Variants in PCDHGB1 observed in about 807,000 individuals in gnomAD.
The protein encoded by PCDHGB1 is protocadherin gamma-B1.
In PCDHGB1, 34 loss-of-function variants were observed where a neutral mutation model predicts 56.6. That is an observed-to-expected ratio of 0.60 (90% confidence interval 0.46 to 0.80). The LOEUF (loss-of-function observed/expected upper bound fraction) is 0.80. Ranked by LOEUF, PCDHGB1 falls within the 30% of genes least tolerant of loss-of-function variation. The probability of loss-of-function intolerance (pLI) is 0.00; values close to 1 mark genes in which losing one functional copy is unlikely to be tolerated. For synonymous variants in PCDHGB1, 561 were observed against 505.9 expected (o/e 1.11, Z -1.46); for missense variants, 1,278 against 1,204.6 (o/e 1.06, Z -0.90).
At position 141,384,883 on chromosome 5, in the gene PCDHGB1, G is replaced by A. The variant is rs774353364; in HGVS notation, c.2409+32214G>A. ...TCTGTCAGCCACCGTCACACTCACCGTGGCTGTGGCTGACAGCATCCCCGA... is the reference window on the plus strand; with the variant it reads ...TCTGTCAGCCACCGTCACACTCACCATGGCTGTGGCTGACAGCATCCCCGA... On this transcript the variant is annotated intron_variant, in intron 1 of 3. Coordinates refer to ENST00000523390, the MANE Select transcript of PCDHGB1 (RefSeq NM_018922.3). 62 of 1,613,804 alleles carry A rather than the reference G, an allele frequency of 3.8e-5. 1 individual carries two copies. In the East Asian group the frequency reaches 1.3e-3, roughly 35 times the overall value.
chr5:141,389,478 G>C (rs764977787), intron 1 of PCDHGB1: 1 of 1,613,150 alleles, frequency 6.2e-7, no homozygotes, highest in Non-Finnish European at 8.5e-7. Context: ...CACACTGCAG[G>C]CCCGCGACCA....
chr5:141,374,674 G>A, intron 1 of PCDHGB1: 1 of 1,610,698 alleles, frequency 6.2e-7, no homozygotes, highest in Non-Finnish European at 8.5e-7. Flanking sequence ...TGGTGCTGGA[G>A]GGCACACTGG....
chr5:141,370,908 C>T (rs372602970), intron 1 of PCDHGB1: 1 of 1,614,028 alleles, frequency 6.2e-7, no homozygotes, highest in East Asian at 2.2e-5. Flanking sequence ...GCAGTACTAC[C>T]TCAGCCCTGA....
At chr5:141,413,148 C>G (rs370253778) in intron 1 of PCDHGB1, 10 of 1,570,530 alleles carry the variant, frequency 6.4e-6, no homozygotes, top group Middle Eastern at 1.7e-4. Flanking sequence ...CCAGTGAGGA[C>G]TTTGCAGAAT....
At position 141,491,969 on chromosome 5, in the gene PCDHGB1, C is replaced by A; in HGVS notation, c.2410-2838C>A. ...CCCCTACACTCAAAAAAGGCCGGGGCCTCCTTCGAGCTTCCGGTGAATTTC... is the reference window on the plus strand; with the variant it reads ...CCCCTACACTCAAAAAAGGCCGGGGACTCCTTCGAGCTTCCGGTGAATTTC... On this transcript the variant is annotated intron_variant, in intron 1 of 3. Coordinates refer to ENST00000523390, the MANE Select transcript of PCDHGB1 (RefSeq NM_018922.3). The surrounding 1 kb of genome is among the most constrained non-coding windows in gnomAD (Gnocchi z 6.9). 1 of 898,714 alleles carries A rather than the reference C, an allele frequency of 1.1e-6. No individual in the cohort carries two copies. Among genetic ancestry groups the A allele is most frequent in the Non-Finnish European group, 1.6e-6 (1 of 629,384 alleles). 55.7% of individuals were successfully genotyped at this position (898,714 alleles called of 1,614,324 possible). A position where few individuals can be genotyped will look rare whatever the true frequency, so the allele number is the denominator to read the frequency against.
chr5:141,365,825 G>C (rs772088278), intron 1 of PCDHGB1: 1 of 1,613,942 alleles, frequency 6.2e-7, no homozygotes, highest in African/African-American at 1.3e-5. Flanking sequence ...ATTTCAGGGG[G>C]CGCCCTTGTC....
intron 1 of PCDHGB1, among the ~76,000 whole-genome samples, chr5:141,466,540 G>T (rs1302720337): frequency 6.6e-6 from 1 of 152,094 alleles, no homozygotes; most frequent in Non-Finnish European, 1.5e-5. Context: ...GATGTAGATG[G>T]TCTTTTGCTG....
At chr5:141,478,891 A>G (rs1045274228) in intron 1 of PCDHGB1, 10 of 1,122,064 alleles carry the variant, frequency 8.9e-6, no homozygotes, top group Admixed American at 3.1e-5. Context: ...TATCATTTAC[A>G]TTAGGAATAA....
rs1461837957 is a variant in PCDHGB1, at chr5:141,432,613, G to C, written c.2410-62194G>C. The C allele has an allele frequency of 6.2e-7, 1 of 1,613,946 alleles. No homozygotes were observed. The highest frequency in any genetic ancestry group is 1.3e-5 in the African/African-American group (1 of 75,056). On this transcript the variant is annotated intron_variant, in intron 1 of 3. Coordinates refer to ENST00000523390, the MANE Select transcript of PCDHGB1 (RefSeq NM_018922.3). The surrounding 1 kb of genome is among the most constrained non-coding windows in gnomAD (Gnocchi z 6.0). ...AGGCCAGCGAGCCGGGACTCTTCTC[G>C]GTGGGTCTGCACACGGGCGAGGTGC...
At chr5:141,360,269 C>T (rs889254322) in intron 1 of PCDHGB1, 2 of 1,613,932 alleles carry the variant, frequency 1.2e-6, no homozygotes, top group East Asian at 2.2e-5. Context: ...GCCAAAAACT[C>T]GGTCGTAGGA....
intron 1 of PCDHGB1, chr5:141,427,536 G>T (rs758610182): frequency 1.6e-6 from 1 of 626,396 alleles, no homozygotes; most frequent in Non-Finnish European, 3.0e-6. Context: ...GGAGTACAAC[G>T]TCACCATCAC....
intron 1 of PCDHGB1, chr5:141,356,330 G>C: frequency 2.6e-6 from 4 of 1,554,374 alleles, no homozygotes; most frequent in Non-Finnish European, 3.5e-6. Context: ...AGTGACTCAG[G>C]AGGAAATGGC....
At chr5:141,419,588 A>T in intron 1 of PCDHGB1, 1 of 1,611,830 alleles carries the variant, frequency 6.2e-7, no homozygotes, top group East Asian at 2.2e-5. Flanking sequence ...GCTCTTCGAC[A>T]CAGTGCCGCG....
At chr5:141,496,733 C>T (rs1221912777) in intron 2 of PCDHGB1, among the ~76,000 whole-genome samples, 12 of 152,138 alleles carry the variant, frequency 7.9e-5, no homozygotes, top group African/African-American at 9.7e-5. Context: ...TGTATTCATT[C>T]GTTCATTTAT....
At chr5:141,395,216 G>T in intron 1 of PCDHGB1, 1 of 1,612,150 alleles carries the variant, frequency 6.2e-7, no homozygotes, top group Non-Finnish European at 8.5e-7. Context: ...ATGAATATAA[G>T]AATGAAGCTG....
intron 1 of PCDHGB1, chr5:141,383,525 A>C: frequency 6.2e-7 from 1 of 1,612,320 alleles, no homozygotes; most frequent in Non-Finnish European, 8.5e-7. Context: ...CGGGTTCACC[A>C]CCTGGTCCTC....
At chr5:141,419,436 G>T (rs756968644) in intron 1 of PCDHGB1, 1 of 1,613,144 alleles carries the variant, frequency 6.2e-7, no homozygotes, top group East Asian at 2.2e-5. Context: ...GAGCAGCTGC[G>T]CACCTTCGAG....
chr5:141,399,998 C>T (rs753846360), intron 1 of PCDHGB1: 37 of 1,612,212 alleles, frequency 2.3e-5, no homozygotes, highest in Non-Finnish European at 2.7e-5. Context: ...GAGGTGCGCA[C>T]AGCGCGTGCC....
rs185055424 is a variant in PCDHGB1, at chr5:141,457,894, G to A, written c.2410-36913G>A. Among the ~76,000 whole-genome samples the A allele has an allele frequency of 3.2e-3, 488 of 152,332 alleles. 1 individual carries two copies. Among genetic ancestry groups the A allele is most frequent in the Non-Finnish European group, 5.0e-3 (342 of 68,028 alleles). On this transcript the variant is annotated intron_variant, in intron 1 of 3. Transcript: ENST00000523390. ...GTTAGGAACCCTGTGTGGGGACTGT[G>A]TAGACAAGGTGTGAGGCCAGTTCTC...
Sources: gnomAD v4.1 joint callset for allele counts (sites outside exome capture counted in the v4.1 genomes callset) on GRCh38, gnomAD v4.1.1 for gene constraint, Gnocchi (gnomAD v3.1) non-coding constraint, MANE v1.5 for transcripts, NCBI Gene and HGNC (gene_info 2026-07-23, HGNC 2026-07-21) for gene names.